NFXL1: variants seen among roughly 807,000 people sequenced by gnomAD.
NFXL1 encodes the protein nuclear transcription factor, X-box binding like 1.
In NFXL1, 66 loss-of-function variants were observed where a neutral mutation model predicts 123.3. The ratio of observed to expected loss-of-function variants is 0.54; its 90% confidence interval spans 0.44 to 0.66. NFXL1 has a LOEUF of 0.66. Among genes scored for constraint, NFXL1 ranks in the 30% least tolerant of loss-of-function variants. The probability of loss-of-function intolerance (pLI) is 0.00; values close to 1 mark genes in which losing one functional copy is unlikely to be tolerated. For missense variants in NFXL1, 944 were observed against 1,125.6 expected (o/e 0.84, Z 2.31); for synonymous variants, 346 against 360.8 (o/e 0.96, Z 0.46).
intron 19 of NFXL1, among the ~76,000 whole-genome samples, chr4:47,862,594 C>G (rs1393416173): frequency 6.6e-6 from 1 of 152,112 alleles, no homozygotes; most frequent in Non-Finnish European, 1.5e-5. Context: ...TAGGTCAATA[C>G]TTTATTGTAT....
At chr4:47,886,059 T>C (rs545622152) in intron 12 of NFXL1, 60 bp from the exon 13 acceptor site, 3 of 1,469,198 alleles carry the variant, frequency 2.0e-6, no homozygotes, top group African/African-American at 1.4e-5. Context: ...CTATTAATGG[T>C]AAAATACATA....
At chr4:47,878,285 A>G (rs766180483) in intron 17 of NFXL1, among the ~76,000 whole-genome samples, 4 of 151,998 alleles carry the variant, frequency 2.6e-5, no homozygotes, top group South Asian at 2.1e-4. Flanking sequence ...ACACAGGTAC[A>G]GTATGTAAAG....
Position 47,870,536 on chromosome 4 carries a change from A to G in NFXL1, c.2246+4591T>C, listed in dbSNP as rs532094689. On this transcript the variant is annotated intron_variant, in intron 18 of 22. Coordinates refer to ENST00000507489, the MANE Select transcript of NFXL1 (RefSeq NM_001278624.2). ...AACACTGGACTGGAGATGTTAACCAATGATAGGAGATGACAGAAATCCATT... is the reference window on the plus strand; with the variant it reads ...AACACTGGACTGGAGATGTTAACCAGTGATAGGAGATGACAGAAATCCATT... Among the ~76,000 whole-genome samples, 31 of 152,330 alleles carry G rather than the reference A, an allele frequency of 2.0e-4. No homozygotes were observed. In the East Asian group the frequency reaches 2.1e-3, roughly 10 times the overall value.
chr4:47,879,524 T>C (rs1413940455), intron 15 of NFXL1, among the ~76,000 whole-genome samples: 1 of 152,172 alleles, frequency 6.6e-6, no homozygotes, highest in African/African-American at 2.4e-5. Context: ...AGATTCAACA[T>C]GATTCCAATC....
At chr4:47,871,219 G>A (rs1039081645) in intron 18 of NFXL1, among the ~76,000 whole-genome samples, 3 of 152,126 alleles carry the variant, frequency 2.0e-5, no homozygotes, top group Non-Finnish European at 4.4e-5. Context: ...TGGGCGTGGT[G>A]GCAGGCGCCT....
intron 15 of NFXL1, among the ~76,000 whole-genome samples, chr4:47,880,175 C>A (rs1324549018): frequency 2.0e-5 from 3 of 151,976 alleles, no homozygotes; most frequent in Non-Finnish European, 4.4e-5. Context: ...ACAGGAGGAT[C>A]ACCTGAGCAC....
In NFXL1 at chr4:47,847,455, AT is replaced by A. The variant is rs2110016014; in HGVS notation, c.*707del. 1 of 152,346 alleles carries A rather than the reference AT, an allele frequency of 6.6e-6. No homozygotes were observed. Among genetic ancestry groups the A allele is most frequent in the South Asian group, 2.1e-4 (1 of 4,830 alleles). 9.4% of individuals were successfully genotyped at this position (152,346 alleles called of 1,614,324 possible). ...CTCATAAGCCCTGTTGTCAGCACATATTCTTCATAAATACTCATCTTCCTTT... is the reference window on the plus strand; with the variant it reads ...CTCATAAGCCCTGTTGTCAGCACATATCTTCATAAATACTCATCTTCCTTT... On this transcript the variant is annotated 3_prime_UTR_variant, in exon 23 of 23. Transcript: ENST00000507489.
intron 11 of NFXL1, among the ~76,000 whole-genome samples, chr4:47,893,008 G>C (rs1736867193): frequency 6.6e-6 from 1 of 152,014 alleles, no homozygotes; most frequent in African/African-American, 2.4e-5. Context: ...AACATGCTAA[G>C]GAGAAACACG....
intron 3 of NFXL1, among the ~76,000 whole-genome samples, chr4:47,908,870 G>A (rs924427795): frequency 2.0e-5 from 3 of 148,980 alleles, no homozygotes; most frequent in African/African-American, 7.4e-5. Context: ...CAGGAGATTG[G>A]CATGAACCCG....
chr4:47,879,597 T>C (rs1735959508), intron 15 of NFXL1, among the ~76,000 whole-genome samples: 1 of 152,106 alleles, frequency 6.6e-6, no homozygotes, highest in South Asian at 2.1e-4. Context: ...TATAGAAAGA[T>C]AACAGACCCA....
chr4:47,875,226 G>T lies in NFXL1; in HGVS notation c.2147C>A (p.Pro716Gln), dbSNP rs763883962. ...SKSRPLGCLH[P>Q]CILRCHPGEC... ...TCCAGGGTGACATCGCAAAATACAT[G>T]GGTGAAGACAACCTAGTGGCCGTGA... The change falls in exon 18 of 23, where the codon CCA (proline) becomes CAA (glutamine). Residue 716 changes from proline to glutamine, a missense_variant. This residue lies in a region of NFXL1 where 301 missense variants were observed against 348.0 expected (regional missense o/e 0.86). Transcript: ENST00000507489. The T allele has an allele frequency of 3.1e-6, 5 of 1,613,072 alleles. No individual in the cohort carries two copies. In the East Asian group the frequency reaches 1.1e-4, roughly 36 times the overall value.
At chr4:47,875,093 TAATAA>T (rs1454946694) in intron 18 of NFXL1, 29 bp downstream of exon 18, 6 of 1,424,620 alleles carry the variant, frequency 4.2e-6, no homozygotes, top group Non-Finnish European at 3.9e-6. Context: ...CAACTAATTG[TAATAA>T]AATAAGACTT....
chr4:47,873,329 T>C (rs753354800), intron 18 of NFXL1, among the ~76,000 whole-genome samples: 3 of 152,178 alleles, frequency 2.0e-5, no homozygotes, highest in Non-Finnish European at 2.9e-5. Context: ...GTGACTCCTT[T>C]CCAGAACGTT....
chr4:47,910,911 A>G lies in NFXL1; in HGVS notation c.319T>C (p.Ser107Pro). The G allele has an allele frequency of 3.1e-6, 5 of 1,605,814 alleles. No individual in the cohort carries two copies. The highest frequency in any genetic ancestry group is 4.3e-6 in the Non-Finnish European group (5 of 1,176,180). ...ARKLVEEQFS[S>P]SSEEGDEDFE... ...TCTTCATCTCCTTCTTCAGATGAAG[A>G]GCTAAACTGTTCTTCAACAAGTTTT... The change falls in exon 3 of 23, where the codon TCT becomes CCT. Residue 107 changes from serine to proline, a missense_variant. Ser to Pro is a moderately conservative substitution (Grantham distance 74). Around this residue, in one of 4 missense-constraint regions of NFXL1, gnomAD observed 303 missense variants for 292.1 expected, o/e 1.04. Transcript: ENST00000507489.
rs1164922969 is a variant in NFXL1 at position 47,875,179 on chromosome 4, T to C, written c.2194A>G (p.Met732Val). The C allele has an allele frequency of 6.2e-7, 1 of 1,612,748 alleles. No homozygotes were observed. The highest frequency in any genetic ancestry group is 8.5e-7 in the Non-Finnish European group (1 of 1,178,928). Residue 732 changes from methionine to valine, a missense_variant, in exon 18 of 23, where the codon ATG becomes GTG. By Grantham distance (21) the Met-to-Val change is conservative (BLOSUM62 1). Transcript: ENST00000507489. ...TTACAGTGACATTTTATTCTAAGCA[T>C]CTGAACACAAGGTGGACATTCTCCA... ...HPGECPPCVQ[M>V]LRIKCHCKIT... is the part of the protein sequence containing the mutation.
chr4:47,862,769 G>T, intron 19 of NFXL1, 77 bp downstream of exon 19: 1 of 828,950 alleles, frequency 1.2e-6, no homozygotes, highest in South Asian at 1.5e-5. Context: ...GAAATAATTT[G>T]ACCAAACAAG....
At chr4:47,865,971 G>C (rs1464505084) in intron 18 of NFXL1, among the ~76,000 whole-genome samples, 1 of 152,060 alleles carries the variant, frequency 6.6e-6, no homozygotes, top group Non-Finnish European at 1.5e-5. Flanking sequence ...AGCCGTGAGT[G>C]CGCCACTGCA....
intron 19 of NFXL1, among the ~76,000 whole-genome samples, chr4:47,858,895 T>C (rs1351195357): frequency 8.5e-5 from 13 of 152,236 alleles, no homozygotes; most frequent in Non-Finnish European, 4.4e-5. Context: ...ATATGTGATA[T>C]TTCATTGCTT....
chr4:47,892,323 G>C (rs1272752018), intron 11 of NFXL1, among the ~76,000 whole-genome samples: 2 of 152,216 alleles, frequency 1.3e-5, no homozygotes, highest in Non-Finnish European at 2.9e-5. Flanking sequence ...TCATAAAGTT[G>C]AGTAGGCAAA....
Sources: gnomAD v4.1 joint callset for allele counts (sites outside exome capture counted in the v4.1 genomes callset) on GRCh38, gnomAD v4.1.1 for gene constraint, gnomAD v4.1.1 regional missense constraint, MANE v1.5 for transcripts, NCBI Gene and HGNC (gene_info 2026-07-23, HGNC 2026-07-21) for gene names.